LINGO2: variants seen among roughly 807,000 people sequenced by gnomAD.
LINGO2 encodes the protein leucine rich repeat and Ig domain containing 2.
In LINGO2, 14 loss-of-function variants were observed where a neutral mutation model predicts 30.6. The observed-to-expected ratio is 0.46, with a 90% CI of 0.30 to 0.72. The LOEUF (loss-of-function observed/expected upper bound fraction) is 0.72. Ranked by LOEUF, LINGO2 falls within the 30% of genes least tolerant of loss-of-function variation. The pLI is 0.07. For synonymous variants in LINGO2, 317 were observed against 288.5 expected (o/e 1.10, Z -1.00); for missense variants, 729 against 751.7 (o/e 0.97, Z 0.35).
chr9:28,878,540 G>C, the LINGO2 span, among the ~76,000 whole-genome samples: 1 of 152,134 alleles, frequency 6.6e-6, no homozygotes, highest in Non-Finnish European at 1.5e-5. Context: ...AACCAAAAAA[G>C]AGAATTTTAG....
At chr9:29,005,603 T>C in the LINGO2 span, among the ~76,000 whole-genome samples, 1 of 152,028 alleles carries the variant, frequency 6.6e-6, no homozygotes, top group Non-Finnish European at 1.5e-5. Context: ...GTTAATATAG[T>C]TGCCCCTCCG....
the LINGO2 span, chr9:28,888,730 T>C: frequency 4.8e-6 from 2 of 417,736 alleles, no homozygotes; most frequent in African/African-American, 2.1e-5. Context: ...AAGTTAACCC[T>C]TGCCTAACTG....
intron 1 of LINGO2, among the ~76,000 whole-genome samples, chr9:28,610,038 C>T (rs754310067): frequency 2.8e-4 from 43 of 152,148 alleles, no homozygotes; most frequent in Non-Finnish European, 6.0e-4. Context: ...TGGAAGGACA[C>T]ATACCCAACT....
chr9:28,002,091 C>A (rs1821987464), intron 5 of LINGO2, among the ~76,000 whole-genome samples: 1 of 152,170 alleles, frequency 6.6e-6, no homozygotes, highest in African/African-American at 2.4e-5. Context: ...TAAACCTAGA[C>A]CGATCAATCA....
intron 2 of LINGO2, among the ~76,000 whole-genome samples, chr9:28,474,901 T>C (rs149343121): frequency 8.7e-4 from 133 of 152,336 alleles, no homozygotes; most frequent in African/African-American, 3.1e-3. Flanking sequence ...TTTTTGTTTG[T>C]AGAATGATAA....
chr9:28,751,727 A>G, the LINGO2 span, among the ~76,000 whole-genome samples: 1 of 151,930 alleles, frequency 6.6e-6, no homozygotes, highest in Non-Finnish European at 1.5e-5. Flanking sequence ...ATACTAGTTT[A>G]TTACTAGTAT....
At position 28,218,895 on chromosome 9, in the gene LINGO2, G is replaced by T. The variant is rs538582009; in HGVS notation, c.-87+76313C>A. Among the ~76,000 whole-genome samples, 142 of 152,234 alleles carry T rather than the reference G, an allele frequency of 9.3e-4. 1 individual carries two copies. Among genetic ancestry groups the T allele is most frequent in the African/African-American group, 3.3e-3 (139 of 41,556 alleles). On this transcript the variant is annotated intron_variant, in intron 4 of 5. Transcript: ENST00000379992. ...AGCCCATTTGCCATTTCAGACACAA[G>T]AATAAGGTTTCTACTTCTGAGTGCC... is the stretch of plus-strand genomic sequence containing the variant.
At chr9:28,024,074 T>C (rs1262095181) in intron 4 of LINGO2, among the ~76,000 whole-genome samples, 1 of 152,180 alleles carries the variant, frequency 6.6e-6, no homozygotes, top group African/African-American at 2.4e-5. Flanking sequence ...ATTTTTCAGT[T>C]TGCTCAGATT....
At chr9:28,617,062 T>C (rs1826160565) in intron 1 of LINGO2, among the ~76,000 whole-genome samples, 1 of 152,190 alleles carries the variant, frequency 6.6e-6, no homozygotes, top group Non-Finnish European at 1.5e-5. Context: ...TCTGTTTTAG[T>C]AGTAAATTAG....
chr9:28,485,331 T>C (rs1330492563), intron 1 of LINGO2, among the ~76,000 whole-genome samples: 1 of 152,124 alleles, frequency 6.6e-6, no homozygotes, highest in Non-Finnish European at 1.5e-5. Context: ...GCACTCCGGA[T>C]GATACAAAGT....
At chr9:29,209,939 T>G in the LINGO2 span, among the ~76,000 whole-genome samples, 1 of 152,132 alleles carries the variant, frequency 6.6e-6, no homozygotes, top group African/African-American at 2.4e-5. Flanking sequence ...TTGCATATAG[T>G]GACCTCCTCT....
intron 4 of LINGO2, among the ~76,000 whole-genome samples, chr9:28,019,322 T>TTTC (rs1218339464): frequency 6.9e-6 from 1 of 144,458 alleles, no homozygotes; most frequent in African/African-American, 2.6e-5. Flanking sequence ...AATATATGTT[T>TTTC]TTTTTTTTCC....
the LINGO2 span, among the ~76,000 whole-genome samples, chr9:28,708,620 G>A: frequency 5.3e-5 from 8 of 152,082 alleles, no homozygotes; most frequent in African/African-American, 1.9e-4. Flanking sequence ...GAAACAATGA[G>A]GGAACTCAGC....
intron 1 of LINGO2, among the ~76,000 whole-genome samples, chr9:28,622,350 C>T (rs890385154): frequency 2.6e-5 from 4 of 151,766 alleles, no homozygotes; most frequent in African/African-American, 9.7e-5. Flanking sequence ...TCTCTCTGTC[C>T]ATTTACTTGT....
the LINGO2 span, among the ~76,000 whole-genome samples, chr9:29,171,024 T>C: frequency 6.6e-6 from 1 of 152,114 alleles, no homozygotes; most frequent in Non-Finnish European, 1.5e-5. Flanking sequence ...TACTGTTTTG[T>C]CTTTTTTTAT....
chr9:29,102,001 A>C, the LINGO2 span, among the ~76,000 whole-genome samples: 8 of 152,142 alleles, frequency 5.3e-5, no homozygotes, highest in African/African-American at 1.9e-4. Context: ...GTGCTTTATA[A>C]AAGTATTTAA....
the LINGO2 span, chr9:27,937,785 T>C: frequency 2.6e-5 from 4 of 151,780 alleles, no homozygotes; most frequent in African/African-American, 4.8e-5. Context: ...ACCAAGACAA[T>C]AGGGCTTAGC....
the LINGO2 span, among the ~76,000 whole-genome samples, chr9:28,747,404 T>C: frequency 6.6e-6 from 1 of 151,996 alleles, no homozygotes; most frequent in African/African-American, 2.4e-5. Context: ...TTCAAGTCCG[T>C]GCATGACCGG....
At position 28,555,483 on chromosome 9, in the gene LINGO2, T is replaced by G. The variant is rs373067419; in HGVS notation, c.-364-79458A>C. Among the ~76,000 whole-genome samples the G allele has an allele frequency of 5.4e-3, 812 of 150,744 alleles. 9 individuals are homozygous for G. Among genetic ancestry groups the G allele is most frequent in the East Asian group, 0.044 (206 of 4,676 alleles). ...ATCTCTGAATAGACCAATAACAGGA[T>G]CTGAAATTGTGGCAATAATCAATAG... is the stretch of plus-strand genomic sequence containing the variant. On this transcript the variant is annotated intron_variant, in intron 1 of 5. Transcript: ENST00000379992.
Sources: gnomAD v4.1 joint callset for allele counts (sites outside exome capture counted in the v4.1 genomes callset) on GRCh38, gnomAD v4.1.1 for gene constraint, MANE v1.5 for transcripts, NCBI Gene and HGNC (gene_info 2026-07-23, HGNC 2026-07-21) for gene names.